SMIM45: variants seen among roughly 807,000 people sequenced by gnomAD.
SMIM45 encodes long intergenic non-protein coding RNA 634.
chr22:41,957,625 G>C, the SMIM45 span: 2 of 152,968 alleles, frequency 1.3e-5, no homozygotes, highest in African/African-American at 4.8e-5. Context: ...TGGGTGGGCG[G>C]GACAGGGAGC....
At chr22:41,958,548 A>C in the SMIM45 span, 1 of 360,768 alleles carries the variant, frequency 2.8e-6, no homozygotes, top group Non-Finnish European at 5.5e-6. Context: ...TGAGATGTGT[A>C]TATGTGAGAG....
At chr22:41,953,082 TA>T in the SMIM45 span, among the ~76,000 whole-genome samples, 1,190 of 152,318 alleles carry the variant, frequency 7.8e-3, 7 homozygotes, top group Non-Finnish European at 0.011. Context: ...TCACTTTGGA[TA>T]ATCAGTGCAC....
chr22:41,947,008 G>A, the SMIM45 span: 3 of 1,612,446 alleles, frequency 1.9e-6, no homozygotes, highest in Non-Finnish European at 2.5e-6. Context: ...AAGCAGGGCC[G>A]CCTGCACCTA....
chr22:41,956,936 A>G, the SMIM45 span, among the ~76,000 whole-genome samples: 18 of 152,314 alleles, frequency 1.2e-4, no homozygotes, highest in African/African-American at 4.3e-4. Flanking sequence ...GCGTGCCATC[A>G]TGCCCGGCTA....
At chr22:41,958,532 G>T in the SMIM45 span, 1 of 378,440 alleles carries the variant, frequency 2.6e-6, no homozygotes, top group South Asian at 1.9e-5. Flanking sequence ...GGCAAGCATG[G>T]GGAGATGAGA....
the SMIM45 span, chr22:41,947,245 G>A: frequency 1.6e-6 from 1 of 622,228 alleles, no homozygotes; most frequent in South Asian, 1.9e-5. Context: ...CCTTTTCTGA[G>A]GGGCGTTCCA....
the SMIM45 span, chr22:41,957,536 T>C: frequency 6.5e-6 from 1 of 152,782 alleles, no homozygotes; most frequent in Non-Finnish European, 1.5e-5. Context: ...TCCCCGCCCT[T>C]GCTCTCCTGG....
At chr22:41,946,991 G>T in the SMIM45 span, 766 of 1,611,118 alleles carry the variant, frequency 4.8e-4, 2 homozygotes, top group African/African-American at 8.8e-3. Context: ...GGAAAAACCG[G>T]CGGGGGAAGC....
At chr22:41,947,025 T>C in the SMIM45 span, 3 of 1,612,838 alleles carry the variant, frequency 1.9e-6, no homozygotes, top group Non-Finnish European at 1.7e-6. Flanking sequence ...CCTACCAAGA[T>C]GGTGGCCGTG....
At chr22:41,947,542 ATT>A in the SMIM45 span, among the ~76,000 whole-genome samples, 2 of 150,504 alleles carry the variant, frequency 1.3e-5, no homozygotes, top group African/African-American at 4.9e-5. Flanking sequence ...TTATTTTTTT[ATT>A]TTTAGTAGAG....
chr22:41,953,090 G>C, the SMIM45 span, among the ~76,000 whole-genome samples: 1 of 152,208 alleles, frequency 6.6e-6, no homozygotes, highest in African/African-American at 2.4e-5. Flanking sequence ...GATAATCAGT[G>C]CACTCTTCAT....
At chr22:41,954,153 T>A in the SMIM45 span, among the ~76,000 whole-genome samples, 1 of 151,674 alleles carries the variant, frequency 6.6e-6, no homozygotes, top group African/African-American at 2.4e-5. Flanking sequence ...AGTTTCCTTA[T>A]CTGTAAAATG....
chr22:41,956,621 C>A, the SMIM45 span, among the ~76,000 whole-genome samples: 1 of 152,218 alleles, frequency 6.6e-6, no homozygotes, highest in Non-Finnish European at 1.5e-5. Context: ...CATCGCCCAA[C>A]CTGTCCTTTA....
the SMIM45 span, chr22:41,958,253 T>C: frequency 4.4e-6 from 2 of 455,600 alleles, no homozygotes; most frequent in Admixed American, 4.7e-5. Context: ...TCCGGAGCCC[T>C]CATTTCTTCG....
the SMIM45 span, among the ~76,000 whole-genome samples, chr22:41,954,757 C>G: frequency 7.2e-5 from 11 of 152,022 alleles, no homozygotes; most frequent in Admixed American, 5.9e-4. Flanking sequence ...CCTGTAATCC[C>G]AGCACTTTGG....
chr22:41,955,084 G>A, the SMIM45 span, among the ~76,000 whole-genome samples: 1 of 152,166 alleles, frequency 6.6e-6, no homozygotes, highest in Non-Finnish European at 1.5e-5. Flanking sequence ...CCACTTTCCT[G>A]CCTTCTCCGC....
the SMIM45 span, chr22:41,946,988 C>T: frequency 6.2e-7 from 1 of 1,610,536 alleles, no homozygotes. Context: ...GGAGGAAAAA[C>T]CGGCGGGGGA....
the SMIM45 span, among the ~76,000 whole-genome samples, chr22:41,948,892 G>T: frequency 6.6e-6 from 1 of 152,142 alleles, no homozygotes; most frequent in Non-Finnish European, 1.5e-5. Flanking sequence ...GAGAAACCCT[G>T]TCTGTACTAC....
chr22:41,951,867 A>C, the SMIM45 span, among the ~76,000 whole-genome samples: 2 of 152,012 alleles, frequency 1.3e-5, no homozygotes, highest in Middle Eastern at 3.2e-3. Flanking sequence ...CTGCTCCCCA[A>C]ATGGCAGACC....
Sources: gnomAD v4.1 joint callset for allele counts (sites outside exome capture counted in the v4.1 genomes callset) on GRCh38, gnomAD v4.1.1 for gene constraint, MANE v1.5 for transcripts, NCBI Gene and HGNC (gene_info 2026-07-23, HGNC 2026-07-21) for gene names.